Variants in VPS13B observed in about 807,000 individuals in gnomAD.
VPS13B encodes intermembrane lipid transfer protein VPS13B.
In VPS13B, 285 loss-of-function variants were observed where a neutral mutation model predicts 426.4. The observed-to-expected ratio is 0.67, with a 90% CI of 0.61 to 0.74. VPS13B has a LOEUF of 0.74. Among genes scored for constraint, VPS13B ranks in the 30% least tolerant of loss-of-function variants. VPS13B has a pLI of 0.00. For synonymous variants in VPS13B, 1,676 were observed against 1,676.4 expected, an observed-to-expected ratio of 1.00 and a Z score of 0.01; for missense variants, 4,537 against 4,782.6, an observed-to-expected ratio of 0.95 and a Z score of 1.51.
At chr8:99,650,569 G>A (rs538603164) in intron 34 of VPS13B, among the ~76,000 whole-genome samples, 1 of 152,234 alleles carries the variant, frequency 6.6e-6, no homozygotes, top group South Asian at 2.1e-4. Flanking sequence ...ACCCTTATAT[G>A]TACTGTTTTT....
At chr8:99,307,569 T>C (rs1461088881) in intron 19 of VPS13B, among the ~76,000 whole-genome samples, 1 of 152,124 alleles carries the variant, frequency 6.6e-6, no homozygotes, top group Non-Finnish European at 1.5e-5. Context: ...TTCATTTAGT[T>C]ATTTTTGTTA....
rs146778190 is a variant in VPS13B at position 99,251,004 on chromosome 8, C to A, written c.2516-23194C>A. ...ATAATTTCTATTTTTATTTTATATC[C>A]TGTGACCTTATAAAACTAAGCTCAC... On this transcript the variant is annotated intron_variant, in intron 17 of 61. Transcript: ENST00000357162. 6.1e-3 allele frequency among the ~76,000 whole-genome samples: 925 copies of A among 152,032 alleles called. 13 individuals carry two copies. Among genetic ancestry groups the A allele is most frequent in the African/African-American group, 0.021 (881 of 41,466 alleles).
At chr8:99,166,430 C>A (rs747312823) in intron 15 of VPS13B, among the ~76,000 whole-genome samples, 6 of 152,142 alleles carry the variant, frequency 3.9e-5, no homozygotes, top group Non-Finnish European at 5.9e-5. Context: ...TAGGCTATCC[C>A]GGAACAAGCA....
intron 34 of VPS13B, among the ~76,000 whole-genome samples, chr8:99,642,985 T>C (rs1829434111): frequency 6.6e-6 from 1 of 152,208 alleles, no homozygotes; most frequent in South Asian, 2.1e-4. Flanking sequence ...TTTAAAGATT[T>C]TTGTACATCT....
intron 33 of VPS13B, among the ~76,000 whole-genome samples, chr8:99,582,684 C>T (rs949776735): frequency 9.2e-5 from 14 of 151,902 alleles, no homozygotes; most frequent in Admixed American, 6.6e-4. Context: ...GAGATGGAGT[C>T]TCGCTCTGTC....
At chr8:99,299,948 A>G (rs1820270372) in intron 19 of VPS13B, among the ~76,000 whole-genome samples, 1 of 152,198 alleles carries the variant, frequency 6.6e-6, no homozygotes, top group African/African-American at 2.4e-5. Flanking sequence ...TATACTTAAC[A>G]TAAACTGAGT....
At chr8:99,649,651 G>GACAC (rs374061880) in intron 34 of VPS13B, among the ~76,000 whole-genome samples, 2 of 135,000 alleles carry the variant, frequency 1.5e-5, no homozygotes, top group African/African-American at 5.6e-5. Context: ...CACACACACA[G>GACAC]ACACACACAC....
intron 39 of VPS13B, among the ~76,000 whole-genome samples, chr8:99,739,180 C>T (rs766995521): frequency 2.0e-5 from 3 of 152,214 alleles, no homozygotes; most frequent in Non-Finnish European, 4.4e-5. Context: ...GATTACATCC[C>T]GTACCTGGCT....
chr8:99,476,459 A>G (rs3134165), intron 24 of VPS13B, among the ~76,000 whole-genome samples: 38,672 of 150,802 alleles, frequency 0.26, 5,634 homozygotes, highest in East Asian at 0.44. Context: ...TGAGTGCTAC[A>G]TGTAAGGCAG....
chr8:99,777,500 C>T (rs956068480), intron 41 of VPS13B, among the ~76,000 whole-genome samples: 1 of 152,104 alleles, frequency 6.6e-6, no homozygotes, highest in Non-Finnish European at 1.5e-5. Flanking sequence ...ACAGGAAAGA[C>T]CTGCCCCACT....
At chr8:99,093,714 G>GT (rs1395198863) in intron 3 of VPS13B, among the ~76,000 whole-genome samples, 19 of 151,942 alleles carry the variant, frequency 1.3e-4, no homozygotes, top group African/African-American at 4.4e-4. Context: ...TGAACTCATC[G>GT]TTTTTTATGG....
At chr8:99,631,071 A>G (rs1485877294) in intron 33 of VPS13B, among the ~76,000 whole-genome samples, 1 of 152,174 alleles carries the variant, frequency 6.6e-6, no homozygotes, top group Non-Finnish European at 1.5e-5. Context: ...TATGATGTTG[A>G]TAATGGGGCA....
At chr8:99,868,921 C>A (rs1159674298) in intron 59 of VPS13B, among the ~76,000 whole-genome samples, 2 of 152,184 alleles carry the variant, frequency 1.3e-5, no homozygotes, top group East Asian at 3.9e-4. Context: ...TCCTGCCCCT[C>A]GCAGCCAGGC....
intron 42 of VPS13B, among the ~76,000 whole-genome samples, chr8:99,779,384 G>A (rs191882132): frequency 3.3e-5 from 5 of 152,038 alleles, no homozygotes; most frequent in Admixed American, 1.3e-4. Flanking sequence ...ATTGTCTAAC[G>A]GTCCATTGCA....
chr8:99,786,654 G>GT (rs1359470295), intron 43 of VPS13B, among the ~76,000 whole-genome samples: 1 of 152,068 alleles, frequency 6.6e-6, no homozygotes, highest in Non-Finnish European at 1.5e-5. Flanking sequence ...AATAAACTTT[G>GT]TTTTTTCTTT....
intron 31 of VPS13B, among the ~76,000 whole-genome samples, chr8:99,569,279 T>G (rs966180278): frequency 6.6e-6 from 1 of 151,756 alleles, no homozygotes; most frequent in East Asian, 1.9e-4. Context: ...AATACAAAAA[T>G]TAGCCGGGTG....
At chr8:99,588,462 T>G (rs1826424851) in intron 33 of VPS13B, among the ~76,000 whole-genome samples, 1 of 151,784 alleles carries the variant, frequency 6.6e-6, no homozygotes, top group South Asian at 2.1e-4. Flanking sequence ...TGGAATGTTC[T>G]TCCATTTGTT....
At chr8:99,362,326 T>C (rs1395221694) in intron 19 of VPS13B, among the ~76,000 whole-genome samples, 1 of 151,986 alleles carries the variant, frequency 6.6e-6, no homozygotes. Flanking sequence ...ATATTTTTAG[T>C]AGAGCCCGGG....
At chr8:99,398,934 T>C (rs1814891192) in intron 21 of VPS13B, among the ~76,000 whole-genome samples, 1 of 152,020 alleles carries the variant, frequency 6.6e-6, no homozygotes, top group Non-Finnish European at 1.5e-5. Flanking sequence ...AACTTTGGAA[T>C]GCCCTGGCTG....
Sources: allele counts gnomAD v4.1 joint callset (sites outside exome capture counted in the v4.1 genomes callset), GRCh38; gene constraint gnomAD v4.1.1; transcripts MANE v1.5; gene names NCBI Gene and HGNC (gene_info 2026-07-23, HGNC 2026-07-21).